Variants in SLC4A10 observed in about 807,000 individuals in gnomAD.
SLC4A10 encodes solute carrier family 4 member 10.
A neutral mutation model predicts 137.7 loss-of-function variants in SLC4A10; 42 were observed. That is an observed-to-expected ratio of 0.30 (90% CI 0.24 to 0.39). The LOEUF (loss-of-function observed/expected upper bound fraction) is 0.39, where lower values mean the gene tolerates loss of function less well. Ranked by LOEUF, SLC4A10 falls within the 10% of genes least tolerant of loss-of-function variation. The pLI, the probability that SLC4A10 is intolerant of heterozygous loss-of-function variation, is 1.00. For missense variants in SLC4A10, 925 were observed against 1,355.0 expected, an observed-to-expected ratio of 0.68 and a Z score of 4.98; for synonymous variants, 474 against 464.1, an observed-to-expected ratio of 1.02 and a Z score of -0.27.
chr2:161,859,594 CTTTTTTTTTT>C (rs72003642), intron 5 of SLC4A10, among the ~76,000 whole-genome samples: 13 of 47,278 alleles, frequency 2.7e-4, no homozygotes, highest in African/African-American at 7.4e-4. Flanking sequence ...CTTTTCTTTT[CTTTTTTTTTT>C]TTTTTTTTTT....
intron 1 of SLC4A10, among the ~76,000 whole-genome samples, chr2:161,688,113 C>T (rs1475579348): frequency 6.6e-6 from 1 of 152,060 alleles, no homozygotes; most frequent in Admixed American, 6.6e-5. Context: ...AGGAAATGGG[C>T]TTAAATTATA....
intron 1 of SLC4A10, among the ~76,000 whole-genome samples, chr2:161,630,477 C>T (rs1410688439): frequency 3.3e-5 from 5 of 151,584 alleles, no homozygotes; most frequent in Non-Finnish European, 3.0e-5. Context: ...TAGAGATCAA[C>T]TGGAGTCTAG....
chr2:161,836,754 A>C (rs1437801840), intron 3 of SLC4A10, among the ~76,000 whole-genome samples: 1 of 152,146 alleles, frequency 6.6e-6, no homozygotes, highest in East Asian at 1.9e-4. Context: ...CCCAAATCCC[A>C]AAATTATTAA....
intron 2 of SLC4A10, among the ~76,000 whole-genome samples, chr2:161,785,474 A>T (rs2053517046): frequency 6.6e-6 from 1 of 151,868 alleles, no homozygotes; most frequent in Non-Finnish European, 1.5e-5. Context: ...TCTTAACAAC[A>T]AAAACTACCT....
chr2:161,642,333 T>G (rs1282558052), intron 1 of SLC4A10, among the ~76,000 whole-genome samples: 1 of 151,946 alleles, frequency 6.6e-6, no homozygotes, highest in African/African-American at 2.4e-5. Flanking sequence ...AAAAATACAT[T>G]TTTTTCTGTT....
At chr2:161,801,713 T>A (rs553153436) in intron 2 of SLC4A10, among the ~76,000 whole-genome samples, 1 of 152,236 alleles carries the variant, frequency 6.6e-6, no homozygotes, top group Admixed American at 6.6e-5. Context: ...AGAAAGTAGG[T>A]TTGTTCATTA....
chr2:161,981,883 G>C (rs751460605), intron 26 of SLC4A10, among the ~76,000 whole-genome samples: 1 of 152,204 alleles, frequency 6.6e-6, no homozygotes, highest in Non-Finnish European at 1.5e-5. Flanking sequence ...AGCTGGCAGC[G>C]TGCCACAGAT....
At chr2:161,638,366 G>C (rs960379469) in intron 1 of SLC4A10, among the ~76,000 whole-genome samples, 1 of 152,050 alleles carries the variant, frequency 6.6e-6, no homozygotes, top group African/African-American at 2.4e-5. Flanking sequence ...AGTTTTCCCA[G>C]CATCATTTAT....
chr2:161,680,511 T>G (rs1469679991), intron 1 of SLC4A10, among the ~76,000 whole-genome samples: 2 of 151,930 alleles, frequency 1.3e-5, no homozygotes, highest in African/African-American at 4.8e-5. Flanking sequence ...TCAAAGAATA[T>G]GGGAGTAAAG....
At chr2:161,652,083 C>T (rs2036878909) in intron 1 of SLC4A10, among the ~76,000 whole-genome samples, 1 of 152,162 alleles carries the variant, frequency 6.6e-6, no homozygotes, top group South Asian at 2.1e-4. Flanking sequence ...CTATTCTATC[C>T]CTTTCATGCT....
chr2:161,868,104 A>G (rs1330998013), intron 6 of SLC4A10, among the ~76,000 whole-genome samples: 1 of 151,916 alleles, frequency 6.6e-6, no homozygotes, highest in Non-Finnish European at 1.5e-5. Flanking sequence ...GGCCAACTAT[A>G]AATTTAAAAG....
At chr2:161,817,622 G>T (rs2057216881) in intron 3 of SLC4A10, among the ~76,000 whole-genome samples, 2 of 152,182 alleles carry the variant, frequency 1.3e-5, no homozygotes, top group Admixed American at 1.3e-4. Flanking sequence ...AGTCTAACAT[G>T]TAAGTCTTTA....
chr2:161,696,357 A>G (rs1339369591), intron 1 of SLC4A10, among the ~76,000 whole-genome samples: 1 of 150,554 alleles, frequency 6.6e-6, no homozygotes, highest in Non-Finnish European at 1.5e-5. Flanking sequence ...CACAATGTGC[A>G]GGTTAGTTAC....
intron 1 of SLC4A10, among the ~76,000 whole-genome samples, chr2:161,737,906 T>C (rs1261595359): frequency 6.6e-6 from 1 of 152,138 alleles, no homozygotes. Context: ...AAACATGAAT[T>C]TCTGAAAGCC....
chr2:161,949,518 A>G (rs933680412), intron 18 of SLC4A10, among the ~76,000 whole-genome samples: 5 of 152,052 alleles, frequency 3.3e-5, no homozygotes, highest in African/African-American at 9.7e-5. Flanking sequence ...TGAAATACCT[A>G]TATATAACAT....
intron 1 of SLC4A10, among the ~76,000 whole-genome samples, chr2:161,760,467 G>A (rs906129297): frequency 5.9e-5 from 9 of 152,000 alleles, no homozygotes; most frequent in African/African-American, 2.2e-4. Flanking sequence ...TTTCTTTCCA[G>A]GCATTGAGAT....
At chr2:161,648,833 A>G (rs2036418933) in intron 1 of SLC4A10, among the ~76,000 whole-genome samples, 1 of 152,152 alleles carries the variant, frequency 6.6e-6, no homozygotes, top group South Asian at 2.1e-4. Context: ...TGCATATTCT[A>G]CAGTCTGTGT....
chr2:161,700,633 G>T (rs1341521737), intron 1 of SLC4A10, among the ~76,000 whole-genome samples: 2 of 151,960 alleles, frequency 1.3e-5, no homozygotes, highest in African/African-American at 4.8e-5. Flanking sequence ...CTTCAAAATA[G>T]CTTTATGAGG....
At chr2:161,726,902 C>G (rs62189014) in intron 1 of SLC4A10, among the ~76,000 whole-genome samples, 4,218 of 152,288 alleles carry the variant, frequency 0.028, 99 homozygotes, top group East Asian at 0.11. Context: ...GAGCAAGACT[C>G]TGTCTCAAAA....
Sources: gnomAD v4.1 joint callset for allele counts (sites outside exome capture counted in the v4.1 genomes callset) on GRCh38, gnomAD v4.1.1 for gene constraint, MANE v1.5 for transcripts, NCBI Gene and HGNC (gene_info 2026-07-23, HGNC 2026-07-21) for gene names.